POU2F2: variants seen among roughly 807,000 people sequenced by gnomAD.
POU2F2 encodes the protein POU domain, class 2, transcription factor 2.
In POU2F2, 14 loss-of-function variants were observed where a neutral mutation model predicts 63.5. That is an observed-to-expected ratio of 0.22 (90% CI 0.15 to 0.34). The LOEUF is 0.34. Ranked by LOEUF, POU2F2 falls within the 10% of genes least tolerant of loss-of-function variation. The probability of loss-of-function intolerance (pLI) is 1.00; values close to 1 mark genes in which losing one functional copy is unlikely to be tolerated. For missense variants in POU2F2, 607 were observed against 815.2 expected, an observed-to-expected ratio of 0.74 and a Z score of 3.11; for synonymous variants, 306 against 348.6, an observed-to-expected ratio of 0.88 and a Z score of 1.36.
rs192984802 is a variant in POU2F2, at chr19:42,188,237, G to A, written c.-70+8146C>T. 3.9e-4 allele frequency among the ~76,000 whole-genome samples: 59 copies of A among 151,714 alleles called. No homozygotes were observed. In the East Asian group the frequency reaches 0.01, roughly 26 times the overall value. On this transcript the variant is annotated intron_variant, in intron 1 of 5. Transcript: ENST00000532176. ...AAAAATTAGCCAGGCGTGGTGGTGC[G>A]TGCCTGTGGTCCCAGATACTCAGGA...
At position 42,092,010 on chromosome 19, in the gene POU2F2, A is replaced by T; in HGVS notation, c.1466+59T>A. 1 of 1,546,996 alleles carries T rather than the reference A, an allele frequency of 6.5e-7. No homozygotes were observed. The highest frequency in any genetic ancestry group is 8.7e-7 in the Non-Finnish European group (1 of 1,145,258). ...CAACATAACTGGGGTGCCGCTCCCC[A>T]CCCTAGAAGCAGCAGCGACCCTGCT... On this transcript the variant is annotated intron_variant, in intron 13 of 14. Transcript: ENST00000692977. This position sits in a 1 kb window ranked among gnomAD's most constrained non-coding sequence, Gnocchi z 5.0.
intron 1 of POU2F2, among the ~76,000 whole-genome samples, chr19:42,164,469 G>C (rs2034611025): frequency 6.6e-6 from 1 of 152,052 alleles, no homozygotes; most frequent in Admixed American, 6.6e-5. Context: ...TACTTGGGAG[G>C]CTGAGGCAGG....
upstream of POU2F2, among the ~76,000 whole-genome samples, chr19:42,134,149 G>A (rs1568407760): frequency 6.7e-6 from 1 of 148,272 alleles, no homozygotes; most frequent in Non-Finnish European, 1.5e-5. Context: ...CGACATTTAC[G>A]CAGTAAGCTT....
Position 42,162,950 on chromosome 19 carries a change from G to A in POU2F2, c.-69-2558C>T, listed in dbSNP as rs1046007952. 2.6e-5 allele frequency among the ~76,000 whole-genome samples: 4 copies of A among 152,162 alleles called. No individual in the cohort carries two copies. The highest frequency in any genetic ancestry group is 7.2e-5 in the African/African-American group (3 of 41,424). On this transcript the variant is annotated intron_variant, in intron 1 of 6. Coordinates refer to the POU2F2 transcript ENST00000524801. This position sits in a 1 kb window ranked among gnomAD's most constrained non-coding sequence, Gnocchi z 4.1. The stretch of plus-strand genomic sequence containing the variant: ...TGCACCAGGGGTGGGTCATTGCTCT[G>A]CAGGTGTGATCTCTCAGCATCTCAC...
intron 2 of POU2F2, among the ~76,000 whole-genome samples, chr19:42,149,094 A>G (rs1219101407): frequency 6.6e-6 from 1 of 152,138 alleles, no homozygotes; most frequent in Non-Finnish European, 1.5e-5. Context: ...TAGGAGACAG[A>G]GGACCCTGGG....
Position 42,092,308 on chromosome 19 carries a change from C to T in POU2F2, c.1265-38G>A. Reference sequence around the variant, plus strand: ...GACAGAAAGATGGGGTCTTCAGCTTCCACTCGTCCCCCACTGAGGAACCTG... The same window carrying T: ...GACAGAAAGATGGGGTCTTCAGCTTTCACTCGTCCCCCACTGAGGAACCTG... On this transcript the variant is annotated intron_variant, in intron 12 of 14. Coordinates refer to ENST00000692977, the MANE Select transcript of POU2F2 (RefSeq NM_001394376.1). This position sits in a 1 kb window ranked among gnomAD's most constrained non-coding sequence, Gnocchi z 5.0. 1 of 1,460,448 alleles carries T rather than the reference C, an allele frequency of 6.8e-7. No individual in the cohort carries two copies. The highest frequency in any genetic ancestry group is 9.4e-7 in the Non-Finnish European group (1 of 1,064,956). 90.5% of individuals were successfully genotyped at this position (1,460,448 alleles called of 1,614,324 possible).
intron 5 of POU2F2, among the ~76,000 whole-genome samples, chr19:42,113,980 G>A (rs2031502083): frequency 6.6e-6 from 1 of 152,176 alleles, no homozygotes; most frequent in African/African-American, 2.4e-5. Flanking sequence ...CTCAGTTTGT[G>A]AGAGAGAATT....
chr19:42,093,002 TA>T (rs1276927583), intron 12 of POU2F2, among the ~76,000 whole-genome samples: 10 of 96,082 alleles, frequency 1.0e-4, no homozygotes, highest in South Asian at 3.4e-4. Context: ...TATATATATA[TA>T]TATATATTTT....
chr19:42,096,651 C>G lies in POU2F2; in HGVS notation c.568-408G>C, dbSNP rs1159291874. On this transcript the variant is annotated intron_variant, in intron 7 of 14. Transcript: ENST00000692977. This position sits in a 1 kb window ranked among gnomAD's most constrained non-coding sequence, Gnocchi z 4.1. ...GCTTAGCCCAGGCCTCACTTTCCCCCTCTGCAGGATGGGAACAATCACTGC... is the reference window on the plus strand; with the variant it reads ...GCTTAGCCCAGGCCTCACTTTCCCCGTCTGCAGGATGGGAACAATCACTGC... Among the ~76,000 whole-genome samples the G allele has an allele frequency of 6.6e-6, 1 of 152,240 alleles. No individual in the cohort carries two copies. The highest frequency in any genetic ancestry group is 1.5e-5 in the Non-Finnish European group (1 of 68,046).
intron 1 of POU2F2, among the ~76,000 whole-genome samples, chr19:42,166,077 G>A (rs571311445): frequency 6.6e-6 from 1 of 152,312 alleles, no homozygotes; most frequent in East Asian, 1.9e-4. Context: ...GGATGGCTGG[G>A]GATGGCCCCT....
chr19:42,186,480 A>C (rs1347527674), intron 1 of POU2F2, among the ~76,000 whole-genome samples: 1 of 152,122 alleles, frequency 6.6e-6, no homozygotes, highest in East Asian at 1.9e-4. Flanking sequence ...TTGCTAAAGC[A>C]TAAACCATAA....
At chr19:42,140,533 C>T (rs77223770) in intron 2 of POU2F2, among the ~76,000 whole-genome samples, 13,921 of 152,234 alleles carry the variant, frequency 0.091, 875 homozygotes, top group Middle Eastern at 0.2. Flanking sequence ...TCAACCTTGC[C>T]AGCCCCCTTG....
chr19:42,123,263 CCTGATCTGGGA>C (rs1395010737), intron 1 of POU2F2: 1 of 152,496 alleles, frequency 6.6e-6, no homozygotes, highest in African/African-American at 2.4e-5. Context: ...CCAATCTAAA[CCTGATCTGGGA>C]CTTCACGCTT....
chr19:42,176,027 C>T (rs1401967009), upstream of POU2F2: 1 of 151,514 alleles, frequency 6.6e-6, no homozygotes, highest in Non-Finnish European at 1.5e-5. Flanking sequence ...CCAATATCCT[C>T]ACCATCATCG....
chr19:42,101,403 G>A (rs2077136839), intron 5 of POU2F2, among the ~76,000 whole-genome samples: 1 of 152,086 alleles, frequency 6.6e-6, no homozygotes, highest in Non-Finnish European at 1.5e-5. Context: ...TATATGACTT[G>A]TGTCCTTATA....
intron 5 of POU2F2, 75 bp from the exon 6 acceptor site, chr19:42,099,896 C>A: frequency 8.2e-7 from 1 of 1,219,588 alleles, no homozygotes; most frequent in East Asian, 2.6e-5. Context: ...TCACCTGAAC[C>A]TTGAGGGGCT....
chr19:42,174,348 C>T (rs1473229264), intron 1 of POU2F2, among the ~76,000 whole-genome samples: 6 of 152,228 alleles, frequency 3.9e-5, no homozygotes, highest in Non-Finnish European at 7.3e-5. Context: ...ACTCCAAACA[C>T]GCTGCACATA....
At chr19:42,166,662 G>A (rs943791712) in intron 1 of POU2F2, among the ~76,000 whole-genome samples, 8 of 152,148 alleles carry the variant, frequency 5.3e-5, no homozygotes, top group African/African-American at 1.9e-4. Flanking sequence ...GACAATGGGA[G>A]TAAGGAGGAG....
intron 5 of POU2F2, among the ~76,000 whole-genome samples, chr19:42,102,592 A>C (rs936634825): frequency 1.4e-5 from 2 of 146,034 alleles, no homozygotes; most frequent in Admixed American, 6.8e-5. Context: ...CCCCCATCTC[A>C]AAAAAAAAAA....
Sources: gnomAD v4.1 joint callset for allele counts (sites outside exome capture counted in the v4.1 genomes callset) on GRCh38, gnomAD v4.1.1 for gene constraint, Gnocchi (gnomAD v3.1) non-coding constraint, MANE v1.5 for transcripts, NCBI Gene and HGNC (gene_info 2026-07-23, HGNC 2026-07-21) for gene names.